EXOC4: variants seen among roughly 807,000 people sequenced by gnomAD.
EXOC4 encodes SEC8-like 1.
Under a neutral mutation model 107.2 loss-of-function variants are expected in EXOC4, and 71 were observed. The observed-to-expected ratio is 0.66, with a 90% CI of 0.55 to 0.81. The LOEUF (loss-of-function observed/expected upper bound fraction) is 0.81. EXOC4 is among the 30% of genes least tolerant of loss of function. EXOC4 has a pLI of 0.00. For missense variants in EXOC4, 1,108 were observed against 1,189.6 expected, an observed-to-expected ratio of 0.93 and a Z score of 1.01; for synonymous variants, 456 against 441.2, an observed-to-expected ratio of 1.03 and a Z score of -0.42.
intron 10 of EXOC4, among the ~76,000 whole-genome samples, chr7:133,644,432 C>A (rs907382352): frequency 6.6e-6 from 1 of 152,078 alleles, no homozygotes; most frequent in Non-Finnish European, 1.5e-5. Flanking sequence ...TCTGTTATAA[C>A]TTTATTACTA....
At chr7:133,541,402 T>C (rs953572283) in intron 9 of EXOC4, among the ~76,000 whole-genome samples, 24 of 152,236 alleles carry the variant, frequency 1.6e-4, no homozygotes, top group Non-Finnish European at 1.2e-4. Flanking sequence ...GGAATAACGA[T>C]GCATGATTTC....
At chr7:133,587,604 A>G (rs1407448911) in intron 9 of EXOC4, among the ~76,000 whole-genome samples, 1 of 152,196 alleles carries the variant, frequency 6.6e-6, no homozygotes, top group Non-Finnish European at 1.5e-5. Flanking sequence ...AAAATGCCCA[A>G]GTTTTAACAT....
intron 17 of EXOC4, among the ~76,000 whole-genome samples, chr7:134,026,021 A>T (rs150442242): frequency 1.3e-5 from 2 of 152,296 alleles, no homozygotes; most frequent in African/African-American, 4.8e-5. Flanking sequence ...TACAGTAGAC[A>T]TTCCATCTAT....
chr7:133,952,665 CCCTTGGCAA>C (rs776142521), intron 14 of EXOC4, among the ~76,000 whole-genome samples: 3 of 152,198 alleles, frequency 2.0e-5, no homozygotes. Flanking sequence ...TTCCCTCCAG[CCCTTGGCAA>C]CCTCCATTCT....
chr7:133,892,839 C>G (rs1376151623), intron 11 of EXOC4, among the ~76,000 whole-genome samples: 2 of 144,942 alleles, frequency 1.4e-5, no homozygotes, highest in Non-Finnish European at 3.0e-5. Flanking sequence ...GAGAGCTTTA[C>G]TTCCAACTAT....
At chr7:133,639,333 A>G (rs1429715467) in intron 10 of EXOC4, among the ~76,000 whole-genome samples, 2 of 152,318 alleles carry the variant, frequency 1.3e-5, no homozygotes, top group East Asian at 3.9e-4. Flanking sequence ...TGGGTCTGCT[A>G]TATAATACCA....
intron 14 of EXOC4, among the ~76,000 whole-genome samples, chr7:133,976,898 T>G (rs1166305766): frequency 6.6e-6 from 1 of 152,240 alleles, no homozygotes; most frequent in Non-Finnish European, 1.5e-5. Flanking sequence ...TGCAAAACTT[T>G]AAGTTTCACT....
chr7:133,935,399 CA>C (rs1800276555), intron 13 of EXOC4, among the ~76,000 whole-genome samples: 1 of 152,106 alleles, frequency 6.6e-6, no homozygotes, highest in South Asian at 2.1e-4. Flanking sequence ...AAGTTGGGCA[CA>C]TTGCTGACCC....
intron 5 of EXOC4, among the ~76,000 whole-genome samples, chr7:133,344,564 C>G (rs1022354439): frequency 6.6e-6 from 1 of 152,152 alleles, no homozygotes; most frequent in Non-Finnish European, 1.5e-5. Flanking sequence ...CCAAATTTTC[C>G]CTTTTTTCCT....
At chr7:133,526,046 C>T (rs1800072432) in intron 9 of EXOC4, among the ~76,000 whole-genome samples, 1 of 152,106 alleles carries the variant, frequency 6.6e-6, no homozygotes, top group African/African-American at 2.4e-5. Flanking sequence ...CTGAGTTCCC[C>T]AAACATTAGT....
At position 133,853,516 on chromosome 7, in the gene EXOC4, C is replaced by T. The variant is rs181425112; in HGVS notation, c.1734+35972C>T. ...GAGTAGCTGAGACTACAGGCATGCA[C>T]CACTGCACCTGGTTTCAATATTCGT... On this transcript the variant is annotated intron_variant, in intron 11 of 17. Coordinates refer to ENST00000253861, the MANE Select transcript of EXOC4 (RefSeq NM_021807.4). 1.8e-4 allele frequency among the ~76,000 whole-genome samples: 28 copies of T among 152,236 alleles called. No homozygotes were observed. The East Asian group carries it at 4.1e-3, about 22-fold the overall frequency.
At chr7:133,447,406 T>C (rs1798244695) in intron 7 of EXOC4, 1 of 152,134 alleles carries the variant, frequency 6.6e-6, no homozygotes. Context: ...ATTATTATTC[T>C]TACTGTAAGA....
chr7:133,387,701 T>C (rs1177293396), intron 7 of EXOC4, among the ~76,000 whole-genome samples: 2 of 152,192 alleles, frequency 1.3e-5, no homozygotes, highest in African/African-American at 4.8e-5. Context: ...CTTTTTAACA[T>C]GTTCATGTAA....
intron 10 of EXOC4, among the ~76,000 whole-genome samples, chr7:133,761,162 T>C (rs1796024368): frequency 6.6e-6 from 1 of 152,184 alleles, no homozygotes; most frequent in South Asian, 2.1e-4. Context: ...GCATTCTCTG[T>C]TGATGTTTAC....
chr7:133,550,255 C>G (rs928297768), intron 9 of EXOC4, among the ~76,000 whole-genome samples: 2 of 152,132 alleles, frequency 1.3e-5, no homozygotes, highest in Non-Finnish European at 2.9e-5. Context: ...ACCCCAGAAT[C>G]AAGCACAATG....
chr7:133,633,138 G>A (rs1390400755), intron 10 of EXOC4, among the ~76,000 whole-genome samples: 2 of 152,170 alleles, frequency 1.3e-5, no homozygotes, highest in African/African-American at 4.8e-5. Flanking sequence ...TGCATGGGTT[G>A]CAAAAATGAA....
At chr7:133,349,658 C>T (rs555327618) in intron 5 of EXOC4, among the ~76,000 whole-genome samples, 1 of 152,012 alleles carries the variant, frequency 6.6e-6, no homozygotes, top group Admixed American at 6.6e-5. Context: ...TCTTCAAGAC[C>T]CTGCCTGCAA....
intron 10 of EXOC4, among the ~76,000 whole-genome samples, chr7:133,665,400 C>T (rs1162769464): frequency 6.6e-6 from 1 of 152,048 alleles, no homozygotes; most frequent in Non-Finnish European, 1.5e-5. Context: ...GGATATTAGA[C>T]CAGTTGATTT....
intron 1 of EXOC4, among the ~76,000 whole-genome samples, chr7:133,260,834 T>C (rs1456064112): frequency 1.3e-5 from 2 of 152,098 alleles, no homozygotes; most frequent in African/African-American, 4.8e-5. Context: ...TAGGTTTATA[T>C]GTCTTTGGTC....
Sources: allele counts gnomAD v4.1 joint callset (sites outside exome capture counted in the v4.1 genomes callset), GRCh38; gene constraint gnomAD v4.1.1; transcripts MANE v1.5; gene names NCBI Gene and HGNC (gene_info 2026-07-23, HGNC 2026-07-21).